The following CCDC171 variants were observed in gnomAD, a reference collection of about 807,000 sequenced individuals.
CCDC171 encodes the protein coiled-coil domain-containing protein 171.
In CCDC171, 177 loss-of-function variants were observed where a neutral mutation model predicts 168.2. The observed-to-expected ratio is 1.05, with a 90% CI of 0.93 to 1.19. CCDC171 has a LOEUF of 1.19. CCDC171 is among the 50% of genes most tolerant of loss of function. The pLI is 0.00. For missense variants in CCDC171, 1,991 were observed against 1,539.0 expected (o/e 1.29, Z -4.91); for synonymous variants, 687 against 540.8 (o/e 1.27, Z -3.75).
intron 3 of CCDC171, 42 bp from the exon 4 acceptor site, chr9:15,578,807 A>T: frequency 6.5e-7 from 1 of 1,540,380 alleles, no homozygotes; most frequent in Admixed American, 1.9e-5. Context: ...GTATGATCTC[A>T]TAATCTTTGG....
At chr9:15,623,477 A>ACACACACACC in intron 7 of CCDC171, 64 bp downstream of exon 7, 1 of 322,656 alleles carries the variant, frequency 3.1e-6, no homozygotes, top group Non-Finnish European at 5.1e-6. Context: ...GCGCGCGCGC[A>ACACACACACC]CACACACACA....
At chr9:15,657,507 G>A (rs1296709999) in intron 8 of CCDC171, among the ~76,000 whole-genome samples, 1 of 152,180 alleles carries the variant, frequency 6.6e-6, no homozygotes, top group Non-Finnish European at 1.5e-5. Flanking sequence ...TTGTGACAGA[G>A]AACTTACCTG....
intron 21 of CCDC171, among the ~76,000 whole-genome samples, chr9:15,821,022 C>A (rs541839228): frequency 1.7e-5 from 2 of 117,356 alleles, no homozygotes; most frequent in Non-Finnish European, 3.8e-5. Flanking sequence ...GGATGCAAGG[C>A]TGGTTCAACA....
chr9:15,820,391 T>G (rs1298960222), intron 21 of CCDC171, among the ~76,000 whole-genome samples: 1 of 110,686 alleles, frequency 9.0e-6, no homozygotes, highest in Admixed American at 8.5e-5. Context: ...AAAAAATCAA[T>G]GAATCCAGGA....
intron 11 of CCDC171, among the ~76,000 whole-genome samples, chr9:15,705,930 G>A (rs951580428): frequency 7.2e-5 from 11 of 152,192 alleles, no homozygotes; most frequent in Admixed American, 2.0e-4. Flanking sequence ...AGTTATAAAG[G>A]TGATCATGGA....
intron 7 of CCDC171, among the ~76,000 whole-genome samples, chr9:15,652,971 G>A (rs1443486076): frequency 6.6e-6 from 1 of 151,868 alleles, no homozygotes; most frequent in African/African-American, 2.4e-5. Context: ...TGAGAAGGGT[G>A]GGAAAAAAGT....
At chr9:16,067,122 T>C in the CCDC171 span, among the ~76,000 whole-genome samples, 1 of 151,992 alleles carries the variant, frequency 6.6e-6, no homozygotes, top group African/African-American at 2.4e-5. Flanking sequence ...CTCCAGCACC[T>C]GTTGTTTCCT....
intron 18 of CCDC171, among the ~76,000 whole-genome samples, chr9:15,765,764 T>G (rs1176894015): frequency 1.3e-5 from 2 of 151,920 alleles, no homozygotes; most frequent in Non-Finnish European, 2.9e-5. Flanking sequence ...AGGGTGGGGG[T>G]TTGCCAGGTA....
At chr9:16,108,559 G>A in the CCDC171 span, among the ~76,000 whole-genome samples, 1 of 152,174 alleles carries the variant, frequency 6.6e-6, no homozygotes, top group Non-Finnish European at 1.5e-5. Flanking sequence ...ATTCTGAAGT[G>A]AGCAGACTTA....
intron 4 of CCDC171, among the ~76,000 whole-genome samples, chr9:15,583,033 C>T (rs1383971819): frequency 1.3e-5 from 2 of 151,878 alleles, no homozygotes; most frequent in East Asian, 1.9e-4. Context: ...GAAAAAGACA[C>T]ATGCACACGC....
the CCDC171 span, among the ~76,000 whole-genome samples, chr9:16,103,836 G>C: frequency 1.3e-5 from 2 of 152,230 alleles, no homozygotes; most frequent in Admixed American, 6.5e-5. Context: ...TGGACTCCGG[G>C]GGGGCTGGGG....
intron 10 of CCDC171, among the ~76,000 whole-genome samples, chr9:15,694,025 A>C (rs2051024024): frequency 6.6e-6 from 1 of 152,192 alleles, no homozygotes. Context: ...AATGACTTCC[A>C]AACCCAGGAG....
At chr9:15,700,536 G>A (rs1316613724) in intron 11 of CCDC171, among the ~76,000 whole-genome samples, 2 of 152,254 alleles carry the variant, frequency 1.3e-5, no homozygotes, top group Non-Finnish European at 2.9e-5. Flanking sequence ...GCCAAGGTTC[G>A]AGCCCAGGCA....
At chr9:16,083,472 A>T in the CCDC171 span, among the ~76,000 whole-genome samples, 2 of 152,176 alleles carry the variant, frequency 1.3e-5, no homozygotes, top group Non-Finnish European at 2.9e-5. Flanking sequence ...AATTGTCAAG[A>T]ATTGTTCCTT....
chr9:15,994,177 G>C (rs553951720), intron 3 of CCDC171, among the ~76,000 whole-genome samples: 2 of 152,224 alleles, frequency 1.3e-5, no homozygotes, highest in African/African-American at 4.8e-5. Flanking sequence ...CAAAGACTTG[G>C]AACCAACCCT....
At chr9:15,595,694 C>G (rs1176301006) in intron 6 of CCDC171, among the ~76,000 whole-genome samples, 1 of 151,784 alleles carries the variant, frequency 6.6e-6, no homozygotes, top group African/African-American at 2.4e-5. Context: ...AATGGTATTT[C>G]TAGTTCTAGA....
At chr9:15,691,035 T>A (rs1382822638) in intron 10 of CCDC171, among the ~76,000 whole-genome samples, 3 of 152,196 alleles carry the variant, frequency 2.0e-5, no homozygotes, top group African/African-American at 7.2e-5. Context: ...TTGTTAACAA[T>A]TGTCTGAAAA....
intron 25 of CCDC171, among the ~76,000 whole-genome samples, chr9:15,966,632 C>T (rs1360186145): frequency 6.6e-6 from 1 of 152,010 alleles, no homozygotes; most frequent in African/African-American, 2.4e-5. Context: ...TATGGTTGTC[C>T]TTTTTAGATC....
the CCDC171 span, among the ~76,000 whole-genome samples, chr9:16,077,700 G>C: frequency 6.6e-6 from 1 of 152,204 alleles, no homozygotes; most frequent in South Asian, 2.1e-4. Flanking sequence ...GATGTAAGAG[G>C]GGAAAAAAAG....
Sources: gnomAD v4.1 joint callset for allele counts (sites outside exome capture counted in the v4.1 genomes callset) on GRCh38, gnomAD v4.1.1 for gene constraint, MANE v1.5 for transcripts, NCBI Gene and HGNC (gene_info 2026-07-23, HGNC 2026-07-21) for gene names.